GRHL2: variants seen among roughly 807,000 people sequenced by gnomAD.
The protein encoded by GRHL2 is grainyhead-like protein 2 homolog.
GRHL2 carries 21 observed loss-of-function variants against 83.8 expected under a neutral mutation model. That is an observed-to-expected ratio of 0.25 (90% CI 0.18 to 0.36). GRHL2 has a LOEUF of 0.36. Among genes scored for constraint, GRHL2 ranks in the 10% least tolerant of loss-of-function variants. The probability of loss-of-function intolerance (pLI) is 1.00; values close to 1 mark genes in which losing one functional copy is unlikely to be tolerated. For missense variants in GRHL2, 623 were observed against 781.8 expected (o/e 0.80, Z 2.42); for synonymous variants, 280 against 278.9 (o/e 1.00, Z -0.04).
rs1020286484 is a variant in GRHL2 at position 101,603,433 on chromosome 8, A to T, written c.1098+4282A>T. The stretch of plus-strand genomic sequence containing the variant: ...TAAGGTTTATGGATTTCTCCAAAGC[A>T]TACATTTTCTTTCATTGCTGACTTA... On this transcript the variant is annotated intron_variant, in intron 8 of 15. Coordinates refer to ENST00000646743, the MANE Select transcript of GRHL2 (RefSeq NM_024915.4). 2.6e-5 allele frequency among the ~76,000 whole-genome samples: 4 copies of T among 152,262 alleles called. No individual in the cohort carries two copies. In the South Asian group the frequency reaches 8.3e-4, roughly 32 times the overall value.
chr8:101,505,303 C>A (rs144049804), intron 1 of GRHL2, among the ~76,000 whole-genome samples: 1 of 152,168 alleles, frequency 6.6e-6, no homozygotes, highest in East Asian at 1.9e-4. Flanking sequence ...ATGGGCCGGG[C>A]GTGGTGGCTC....
chr8:101,676,276 C>A, the GRHL2 span, among the ~76,000 whole-genome samples: 1 of 151,796 alleles, frequency 6.6e-6, no homozygotes, highest in African/African-American at 2.4e-5. Flanking sequence ...AACAGGCAAC[C>A]TACAGAATGG....
At chr8:101,571,670 C>G (rs2130223871) in intron 5 of GRHL2, among the ~76,000 whole-genome samples, 1 of 152,238 alleles carries the variant, frequency 6.6e-6, no homozygotes, top group South Asian at 2.1e-4. Context: ...CACTATGTTT[C>G]TTGCCCCTTT....
At chr8:101,501,185 A>G (rs1205116830) in intron 1 of GRHL2, among the ~76,000 whole-genome samples, 3 of 152,230 alleles carry the variant, frequency 2.0e-5, no homozygotes, top group Non-Finnish European at 4.4e-5. Flanking sequence ...AGTGGAAAGC[A>G]ATCAATGCCT....
At chr8:101,526,725 T>A (rs1810813795) in intron 1 of GRHL2, among the ~76,000 whole-genome samples, 2 of 152,148 alleles carry the variant, frequency 1.3e-5, no homozygotes, top group Non-Finnish European at 2.9e-5. Context: ...AAAAAGCAGC[T>A]AGTTTCAACT....
At chr8:101,633,945 T>C (rs1813234986) in intron 11 of GRHL2, among the ~76,000 whole-genome samples, 2 of 152,194 alleles carry the variant, frequency 1.3e-5, no homozygotes, top group Admixed American at 1.3e-4. Flanking sequence ...CTCCAAAATA[T>C]ACAAAGTGTA....
chr8:101,547,613 T>C (rs1811292998), intron 2 of GRHL2, among the ~76,000 whole-genome samples: 1 of 152,264 alleles, frequency 6.6e-6, no homozygotes, highest in African/African-American at 2.4e-5. Context: ...TTTTACATTT[T>C]ATAGTTCATG....
chr8:101,514,458 C>A (rs1464294162), intron 1 of GRHL2, among the ~76,000 whole-genome samples: 1 of 152,172 alleles, frequency 6.6e-6, no homozygotes, highest in Non-Finnish European at 1.5e-5. Flanking sequence ...CTGAGGCAAG[C>A]CCAGCCCAAG....
chr8:101,670,183 A>G (rs1314494617), downstream of GRHL2, among the ~76,000 whole-genome samples: 1 of 152,084 alleles, frequency 6.6e-6, no homozygotes, highest in Non-Finnish European at 1.5e-5. Flanking sequence ...GCTCCCTAAG[A>G]TCTGTTGGCT....
At chr8:101,583,685 A>G (rs993346981) in intron 7 of GRHL2, among the ~76,000 whole-genome samples, 1 of 152,262 alleles carries the variant, frequency 6.6e-6, no homozygotes, top group Non-Finnish European at 1.5e-5. Flanking sequence ...CACAAATAAA[A>G]AAAGTTAACT....
At chr8:101,676,545 C>G in the GRHL2 span, among the ~76,000 whole-genome samples, 1 of 151,978 alleles carries the variant, frequency 6.6e-6, no homozygotes, top group African/African-American at 2.4e-5. Flanking sequence ...GGCGATCATT[C>G]AAAAGTCAGG....
intron 4 of GRHL2, among the ~76,000 whole-genome samples, chr8:101,560,654 C>A (rs1302088002): frequency 6.6e-6 from 1 of 152,296 alleles, no homozygotes; most frequent in Admixed American, 6.5e-5. Context: ...GTTTTCCACA[C>A]CCTTGCCAAA....
Position 101,546,136 on chromosome 8 carries a change from T to C in GRHL2, c.216+2700T>C, listed in dbSNP as rs191988900. Among the ~76,000 whole-genome samples, 322 of 152,190 alleles carry C rather than the reference T, an allele frequency of 2.1e-3. 3 individuals carry two copies. The highest frequency in any genetic ancestry group is 1.9e-3 in the Non-Finnish European group (131 of 68,016). On this transcript the variant is annotated intron_variant, in intron 2 of 15. Coordinates refer to ENST00000646743, the MANE Select transcript of GRHL2 (RefSeq NM_024915.4). ...ACCTCGTGATCTGCCCTCCTCAACC[T>C]CCCAAAGTGCTGGGATTATAGGCGT...
At chr8:101,508,704 A>G (rs1257379942) in intron 1 of GRHL2, among the ~76,000 whole-genome samples, 3 of 152,138 alleles carry the variant, frequency 2.0e-5, no homozygotes, top group African/African-American at 7.2e-5. Context: ...TGAGTTCGGG[A>G]TGAGTTCAGG....
chr8:101,660,559 A>G (rs376540040), intron 14 of GRHL2, among the ~76,000 whole-genome samples: 3 of 152,296 alleles, frequency 2.0e-5, no homozygotes, highest in East Asian at 3.8e-4. Flanking sequence ...TTGGTGTAAT[A>G]ACTGATACAC....
chr8:101,529,266 C>T (rs1474137761), intron 1 of GRHL2: 7 of 205,374 alleles, frequency 3.4e-5, no homozygotes, highest in Non-Finnish European at 2.0e-5. Context: ...AACCCCATCT[C>T]TACTAAAAAT....
chr8:101,500,851 TA>T (rs33923524), intron 1 of GRHL2, among the ~76,000 whole-genome samples: 5,821 of 151,362 alleles, frequency 0.038, 135 homozygotes, highest in Middle Eastern at 0.072. Flanking sequence ...CTGGAAATGG[TA>T]AAAAAAAAAA....
chr8:101,664,613 T>C, intron 15 of GRHL2, 95 bp downstream of exon 15: 1 of 866,288 alleles, frequency 1.2e-6, no homozygotes, highest in South Asian at 1.4e-5. Flanking sequence ...GTTAGGTCTG[T>C]TGCCCACTTT....
At position 101,604,312 on chromosome 8, in the gene GRHL2, G is replaced by A. The variant is rs529337392; in HGVS notation, c.1098+5161G>A. On this transcript the variant is annotated intron_variant, in intron 8 of 15. Transcript: ENST00000646743. ...TAAAGGGCTGTGAGCTCAGATTCCT[G>A]GCACCGAGCACTGCCTTTCTCTAAG... is the stretch of plus-strand genomic sequence containing the variant. 3.9e-5 allele frequency among the ~76,000 whole-genome samples: 6 copies of A among 152,224 alleles called. No homozygotes were observed. The East Asian group carries it at 1.2e-3, about 29-fold the overall frequency.
Sources: gnomAD v4.1 joint callset for allele counts (sites outside exome capture counted in the v4.1 genomes callset) on GRCh38, gnomAD v4.1.1 for gene constraint, MANE v1.5 for transcripts, NCBI Gene and HGNC (gene_info 2026-07-23, HGNC 2026-07-21) for gene names.